The following NETO1 variants were observed in gnomAD, a reference collection of about 807,000 sequenced individuals.
NETO1 encodes the protein neuropilin and tolloid-like protein 1.
NETO1 carries 26 observed loss-of-function variants against 61.3 expected under a neutral mutation model. The observed-to-expected ratio is 0.42, with a 90% CI of 0.31 to 0.59. The LOEUF is 0.59. Ranked by LOEUF, NETO1 falls within the 20% of genes least tolerant of loss-of-function variation. The pLI, the probability that NETO1 is intolerant of heterozygous loss-of-function variation, is 0.12. For missense variants in NETO1, 531 were observed against 662.8 expected, an observed-to-expected ratio of 0.80 and a Z score of 2.18; for synonymous variants, 225 against 225.8, an observed-to-expected ratio of 1.00 and a Z score of 0.03.
chr18:72,808,455 GGA>G (rs1491187507), intron 4 of NETO1, among the ~76,000 whole-genome samples: 1 of 122,824 alleles, frequency 8.1e-6, no homozygotes, highest in African/African-American at 3.0e-5. Context: ...GTGTGTGTGT[GGA>G]GTGTGTGTGT....
At chr18:72,831,462 G>A (rs747567326) in intron 4 of NETO1, among the ~76,000 whole-genome samples, 1 of 152,196 alleles carries the variant, frequency 6.6e-6, no homozygotes, top group Non-Finnish European at 1.5e-5. Context: ...GACAGCATAT[G>A]TTATAAATTT....
In NETO1 at chr18:72,746,618, G is replaced by A. The variant is rs985586502; in HGVS notation, c.*1561C>T. 1.3e-5 allele frequency among the ~76,000 whole-genome samples: 2 copies of A among 151,562 alleles called. No individual in the cohort carries two copies. The highest frequency in any genetic ancestry group is 2.9e-5 in the Non-Finnish European group (2 of 67,882). ...TAACATATATGACATTGTATTCCTA[G>A]TAGGGAAGTATAACAGTAATTCATC... is the stretch of plus-strand genomic sequence containing the variant. On this transcript the variant is annotated 3_prime_UTR_variant, in exon 11 of 11. Coordinates refer to ENST00000327305, the MANE Select transcript of NETO1 (RefSeq NM_138966.5).
At chr18:72,841,736 C>CAAAAAAAA (rs10690867) in intron 4 of NETO1, among the ~76,000 whole-genome samples, 3 of 115,408 alleles carry the variant, frequency 2.6e-5, no homozygotes, top group Admixed American at 2.2e-4. Context: ...TCTACCTCAA[C>CAAAAAAAA]AAAAAAAAAA....
At chr18:72,857,413 A>C (rs148881331) in intron 4 of NETO1, among the ~76,000 whole-genome samples, 1,690 of 152,320 alleles carry the variant, frequency 0.011, 36 homozygotes, top group African/African-American at 0.038. Flanking sequence ...AGCCAGAAAC[A>C]TGGATAGCAT....
chr18:72,864,293 C>A (rs536585719), intron 3 of NETO1, among the ~76,000 whole-genome samples: 81 of 152,274 alleles, frequency 5.3e-4, no homozygotes, highest in African/African-American at 1.9e-3. Context: ...ACAATCCTGA[C>A]CTTGACTTCA....
chr18:72,831,390 C>T (rs2073574268), intron 4 of NETO1, among the ~76,000 whole-genome samples: 1 of 152,166 alleles, frequency 6.6e-6, no homozygotes, highest in South Asian at 2.1e-4. Flanking sequence ...TTCCATATCT[C>T]AAAGGTACCT....
At chr18:72,862,616 T>A (rs2074608005) in intron 3 of NETO1, among the ~76,000 whole-genome samples, 1 of 111,486 alleles carries the variant, frequency 9.0e-6, no homozygotes, top group Admixed American at 1.1e-4. Context: ...ATGATCCTTT[T>A]TTTTTCTTTT....
intron 4 of NETO1, among the ~76,000 whole-genome samples, chr18:72,795,899 C>T (rs768398497): frequency 4.6e-5 from 7 of 152,168 alleles, no homozygotes; most frequent in Admixed American, 2.6e-4. Context: ...GAATAACACA[C>T]GTCCTTGTAG....
At chr18:72,853,751 C>CAAAA (rs5826212) in intron 4 of NETO1, among the ~76,000 whole-genome samples, 8 of 141,346 alleles carry the variant, frequency 5.7e-5, no homozygotes, top group African/African-American at 1.8e-4. Flanking sequence ...AGTGAGATGT[C>CAAAA]AAAAAAAAAA....
chr18:72,814,256 A>G (rs1373515489), intron 4 of NETO1, among the ~76,000 whole-genome samples: 2 of 152,174 alleles, frequency 1.3e-5, no homozygotes, highest in African/African-American at 4.8e-5. Flanking sequence ...AATAACAGAT[A>G]AATCATGAGA....
intron 4 of NETO1, among the ~76,000 whole-genome samples, chr18:72,800,029 T>C (rs1216305725): frequency 1.3e-5 from 2 of 152,238 alleles, no homozygotes; most frequent in Admixed American, 1.3e-4. Flanking sequence ...ATTTCTGACA[T>C]CTTTCAAACA....
rs140488126 is a variant in NETO1, at chr18:72,808,740, G to A, written c.470-14336C>T. ...CTTTTGTGCTCCCAGTGAATTTGATGAATATTAGACCCTTCTAAATAGAGC... is the reference window on the plus strand; with the variant it reads ...CTTTTGTGCTCCCAGTGAATTTGATAAATATTAGACCCTTCTAAATAGAGC... On this transcript the variant is annotated intron_variant, in intron 4 of 10. Coordinates refer to ENST00000327305, the MANE Select transcript of NETO1 (RefSeq NM_138966.5). Among the ~76,000 whole-genome samples, 26 of 152,326 alleles carry A rather than the reference G, an allele frequency of 1.7e-4. 1 individual carries two copies. Among genetic ancestry groups the A allele is most frequent in the African/African-American group, 6.3e-4 (26 of 41,578 alleles).
At chr18:72,810,876 T>C (rs8096413) in intron 4 of NETO1, among the ~76,000 whole-genome samples, 136,133 of 152,192 alleles carry the variant, frequency 0.89, 62,806 homozygotes, top group East Asian at 1. Context: ...GAATGGGTTT[T>C]TCTTATTTAG....
At position 72,776,685 on chromosome 18, in the gene NETO1, C is replaced by T. The variant is rs142726542; in HGVS notation, c.868+6993G>A. 8.0e-3 allele frequency among the ~76,000 whole-genome samples: 1,221 copies of T among 152,200 alleles called. 16 individuals carry two copies. The highest frequency in any genetic ancestry group is 9.1e-3 in the Non-Finnish European group (620 of 68,006). On this transcript the variant is annotated intron_variant, in intron 7 of 10. Coordinates refer to ENST00000327305, the MANE Select transcript of NETO1 (RefSeq NM_138966.5). ...AGGGCACTCATCTCACTTATGAGGG[C>T]TCTGCTCCATAATGTAATCATTTCC...
chr18:72,781,884 C>T (rs1568195341), intron 7 of NETO1, among the ~76,000 whole-genome samples: 1 of 133,606 alleles, frequency 7.5e-6, no homozygotes, highest in East Asian at 2.1e-4. Flanking sequence ...GGTACATGTG[C>T]AGGTTTACTA....
chr18:72,840,272 A>C (rs188659068), intron 4 of NETO1, among the ~76,000 whole-genome samples: 1 of 152,318 alleles, frequency 6.6e-6, no homozygotes, highest in East Asian at 1.9e-4. Flanking sequence ...AACTGAGGAA[A>C]AGGAAAGCCT....
At chr18:72,779,624 T>C (rs1277712431) in intron 7 of NETO1, among the ~76,000 whole-genome samples, 1 of 152,216 alleles carries the variant, frequency 6.6e-6, no homozygotes, top group African/African-American at 2.4e-5. Flanking sequence ...CGTGGAATAC[T>C]TTCACTTCAA....
chr18:72,811,979 T>C (rs1230472676), intron 4 of NETO1, among the ~76,000 whole-genome samples: 2 of 152,194 alleles, frequency 1.3e-5, no homozygotes, highest in African/African-American at 4.8e-5. Flanking sequence ...CAAGCAGCTC[T>C]GAGCACACAA....
chr18:72,774,259 T>C (rs551257111), intron 7 of NETO1, among the ~76,000 whole-genome samples: 66 of 152,292 alleles, frequency 4.3e-4, no homozygotes, highest in African/African-American at 1.5e-3. Flanking sequence ...TTCCAGTTAC[T>C]GCAAATTCAT....
Sources: gnomAD v4.1 joint callset for allele counts (sites outside exome capture counted in the v4.1 genomes callset) on GRCh38, gnomAD v4.1.1 for gene constraint, MANE v1.5 for transcripts, NCBI Gene and HGNC (gene_info 2026-07-23, HGNC 2026-07-21) for gene names.